The following STARD3NL variants were observed in gnomAD, a reference collection of about 807,000 sequenced individuals.
STARD3NL encodes the protein STARD3 N-terminal-like protein.
A neutral mutation model predicts 30.9 loss-of-function variants in STARD3NL; 17 were observed. The ratio of observed to expected loss-of-function variants is 0.55; its 90% confidence interval spans 0.38 to 0.82. The LOEUF is 0.82. Among genes scored for constraint, STARD3NL ranks in the 40% least tolerant of loss-of-function variants. STARD3NL has a pLI of 0.00. For missense variants in STARD3NL, 234 were observed against 277.6 expected (o/e 0.84, Z 1.12); for synonymous variants, 112 against 100.5 (o/e 1.11, Z -0.69).
At position 38,205,550 on chromosome 7, in the gene STARD3NL, ATTAG is replaced by A. The variant is rs374501220; in HGVS notation, c.-58-1893_-58-1890del. Among the ~76,000 whole-genome samples, 37 of 152,240 alleles carry A rather than the reference ATTAG, an allele frequency of 2.4e-4. No individual in the cohort carries two copies. The South Asian group carries it at 3.9e-3, about 16-fold the overall frequency. On this transcript the variant is annotated intron_variant, in intron 1 of 8. Coordinates refer to ENST00000009041, the MANE Select transcript of STARD3NL (RefSeq NM_032016.4). The stretch of plus-strand genomic sequence containing the variant: ...TACCATGATTTATCTAATTATTCTA[ATTAG>A]TTATTTAGGTTGTTTTCTAATTGAT...
intron 7 of STARD3NL, among the ~76,000 whole-genome samples, chr7:38,225,911 T>C (rs578236409): frequency 2.0e-5 from 3 of 152,334 alleles, no homozygotes; most frequent in African/African-American, 7.2e-5. Context: ...TTTATTCTCC[T>C]TATAAAATGT....
intron 1 of STARD3NL, among the ~76,000 whole-genome samples, chr7:38,205,289 T>C (rs1359761572): frequency 2.0e-5 from 3 of 152,202 alleles, no homozygotes; most frequent in Non-Finnish European, 4.4e-5. Flanking sequence ...TTATCCACCA[T>C]GATCAATTGG....
intron 1 of STARD3NL, among the ~76,000 whole-genome samples, chr7:38,181,514 A>G (rs1784244434): frequency 6.6e-6 from 1 of 152,222 alleles, no homozygotes; most frequent in Non-Finnish European, 1.5e-5. Context: ...TATGAGTGGA[A>G]TATGGTAGAT....
At chr7:38,228,095 A>C (rs756346886) in intron 7 of STARD3NL, among the ~76,000 whole-genome samples, 1 of 152,148 alleles carries the variant, frequency 6.6e-6, no homozygotes, top group Non-Finnish European at 1.5e-5. Context: ...CTTACAGCGC[A>C]TGCATTTTTC....
At chr7:38,203,940 A>G (rs985523731) in intron 1 of STARD3NL, among the ~76,000 whole-genome samples, 2 of 152,220 alleles carry the variant, frequency 1.3e-5, no homozygotes, top group African/African-American at 4.8e-5. Context: ...TATCCTAAAT[A>G]TATATGCACC....
In STARD3NL at chr7:38,230,278, G is replaced by A. The variant is rs1787025607; in HGVS notation, c.*373G>A. 6.5e-6 allele frequency: 1 copy of A among 152,726 alleles called. No individual in the cohort carries two copies. The highest frequency in any genetic ancestry group is 2.4e-5 in the African/African-American group (1 of 41,576). 9.5% of individuals were successfully genotyped at this position (152,726 alleles called of 1,614,324 possible). On this transcript the variant is annotated 3_prime_UTR_variant, in exon 9 of 9. Coordinates refer to ENST00000009041, the MANE Select transcript of STARD3NL (RefSeq NM_032016.4). ...CCTTTTTATTTCAATTCACAGAATG[G>A]AATTTTTTTGTTTCATGTCTCAGAT... is the stretch of plus-strand genomic sequence containing the variant.
intron 1 of STARD3NL, chr7:38,201,999 TCTTAAA>T (rs1173395283): frequency 6.6e-6 from 1 of 152,222 alleles, no homozygotes; most frequent in Non-Finnish European, 1.5e-5. Context: ...TCAGCTATTT[TCTTAAA>T]CTTAAAATAT....
At chr7:38,183,425 T>C (rs895605005) in intron 1 of STARD3NL, among the ~76,000 whole-genome samples, 1 of 152,202 alleles carries the variant, frequency 6.6e-6, no homozygotes, top group African/African-American at 2.4e-5. Flanking sequence ...TCTTTTCCAT[T>C]TTATTTCCTG....
At chr7:38,226,871 C>G (rs886429435) in intron 7 of STARD3NL, among the ~76,000 whole-genome samples, 1 of 152,238 alleles carries the variant, frequency 6.6e-6, no homozygotes, top group Non-Finnish European at 1.5e-5. Context: ...CTGCCTCACC[C>G]TAGCAGAACC....
chr7:38,179,011 CCT>C (rs1370386890), intron 1 of STARD3NL: 1 of 152,158 alleles, frequency 6.6e-6, no homozygotes, highest in Admixed American at 6.5e-5. Flanking sequence ...GATTTTTCCC[CCT>C]CTCTTTTAGT....
At position 38,215,199 on chromosome 7, in the gene STARD3NL, A is replaced by T. The variant is rs1786034163; in HGVS notation, c.381+94A>T. On this transcript the variant is annotated intron_variant, in intron 4 of 8. Transcript: ENST00000009041. ...CTGGGCTGGGAGAAGATACAGTTCT[A>T]ATGCAGGTGGAATCCCACCAGCTTT... 6 of 1,205,350 alleles carry T rather than the reference A, an allele frequency of 5.0e-6. No individual in the cohort carries two copies. In the East Asian group the frequency reaches 1.4e-4, roughly 29 times the overall value. The allele number at this position is 1,205,350 out of a possible 1,614,324, so 74.7% of individuals were successfully genotyped here.
chr7:38,191,153 C>G (rs1784670960), intron 1 of STARD3NL, among the ~76,000 whole-genome samples: 1 of 152,164 alleles, frequency 6.6e-6, no homozygotes, highest in Admixed American at 6.5e-5. Flanking sequence ...CATAATGGTC[C>G]TTGCCTGAAT....
chr7:38,178,475 G>C (rs779522661), intron 1 of STARD3NL, 55 bp downstream of exon 1: 1 of 152,462 alleles, frequency 6.6e-6, no homozygotes, highest in Admixed American at 6.5e-5. Context: ...GAGTCTCCTG[G>C]GTCAGATGAC....
At position 38,219,730 on chromosome 7, in the gene STARD3NL, A is replaced by G. The variant is rs1023529736; in HGVS notation, c.649+70A>G. 6.9e-6 allele frequency: 9 copies of G among 1,303,398 alleles called. No individual in the cohort carries two copies. The East Asian group carries it at 1.9e-4, about 28-fold the overall frequency. The allele number at this position is 1,303,398 out of a possible 1,614,324, so 80.7% of individuals were successfully genotyped here. A position where few individuals can be genotyped will look rare whatever the true frequency, so the allele number is the denominator to read the frequency against. On this transcript the variant is annotated intron_variant, in intron 7 of 8. Transcript: ENST00000009041. The stretch of plus-strand genomic sequence containing the variant: ...GGCTCTGCTCTTCCTTCCTTTCCCT[A>G]CCCCCTCTGTTTCTCAATATACTTA...
chr7:38,207,795 C>A, intron 2 of STARD3NL, 66 bp downstream of exon 2: 1 of 1,418,824 alleles, frequency 7.0e-7, no homozygotes, highest in South Asian at 1.3e-5. Context: ...TTTTTTTGTT[C>A]GTTTCTCTTA....
At chr7:38,215,949 G>A (rs914162683) in intron 4 of STARD3NL, 2 of 152,220 alleles carry the variant, frequency 1.3e-5, no homozygotes, top group African/African-American at 4.8e-5. Context: ...TCAGAATCAC[G>A]GGGCAGCGGT....
chr7:38,207,613 A>G lies in STARD3NL; in HGVS notation c.109A>G (p.Ile37Val). The change falls in exon 2 of 9, where the codon ATT becomes GTT. Residue 37 changes from isoleucine to valine, a missense_variant. By Grantham distance (29) the Ile-to-Val change is conservative (BLOSUM62 3). Coordinates refer to ENST00000009041, the MANE Select transcript of STARD3NL (RefSeq NM_032016.4). ...CAACCCCACACAACTCATGGCCAGGATTGAGTCCTATGAAGGAAGGGAAAA... is the reference window on the plus strand; with the variant it reads ...CAACCCCACACAACTCATGGCCAGGGTTGAGTCCTATGAAGGAAGGGAAAA... ...SINPTQLMAR[I>V]ESYEGREKKG... The G allele has an allele frequency of 6.2e-7, 1 of 1,614,060 alleles. No individual in the cohort carries two copies.
Position 38,185,158 on chromosome 7 carries a change from C to T in STARD3NL, c.-59+6738C>T, listed in dbSNP as rs547865282. On this transcript the variant is annotated intron_variant, in intron 1 of 8. Transcript: ENST00000009041. ...GTTAGGCTGATGATAAAGGGGATCA[C>T]GAGGTTACTTCGGTTGCTGATCTTC... is the stretch of plus-strand genomic sequence containing the variant. Among the ~76,000 whole-genome samples, 15 of 152,132 alleles carry T rather than the reference C, an allele frequency of 9.9e-5. No homozygotes were observed. The South Asian group carries it at 3.1e-3, about 32-fold the overall frequency.
intron 4 of STARD3NL, chr7:38,216,476 T>TGTGTGTGA (rs1196711488): frequency 1.3e-5 from 2 of 152,240 alleles, no homozygotes; most frequent in African/African-American, 2.4e-5. Flanking sequence ...TGTGTGTGTG[T>TGTGTGTGA]GTGTGTGAGT....
Sources: gnomAD v4.1 joint callset for allele counts (sites outside exome capture counted in the v4.1 genomes callset) on GRCh38, gnomAD v4.1.1 for gene constraint, MANE v1.5 for transcripts, NCBI Gene and HGNC (gene_info 2026-07-23, HGNC 2026-07-21) for gene names.